HNF1A: variants seen among roughly 807,000 people sequenced by gnomAD.
The protein encoded by HNF1A is HNF1 homeobox A, also known as hepatocyte nuclear factor 1-alpha.
A neutral mutation model predicts 62.2 loss-of-function variants in HNF1A; 21 were observed. The observed-to-expected ratio is 0.34, with a 90% CI of 0.24 to 0.49. The LOEUF (loss-of-function observed/expected upper bound fraction) is 0.49, where lower values mean the gene tolerates loss of function less well. Among genes scored for constraint, HNF1A ranks in the 20% least tolerant of loss-of-function variants. HNF1A has a pLI of 0.99. For missense variants in HNF1A, 687 were observed against 832.3 expected (o/e 0.83, Z 2.15); for synonymous variants, 374 against 366.8 (o/e 1.02, Z -0.22).
At chr12:120,988,751 G>A in intron 1 of HNF1A, 82 bp from the exon 2 acceptor site, 2 of 1,313,026 alleles carry the variant, frequency 1.5e-6, no homozygotes, top group Non-Finnish European at 1.1e-6. Flanking sequence ...GGGTTGACAA[G>A]GTTCCAGCAC....
intron 1 of HNF1A, among the ~76,000 whole-genome samples, chr12:120,987,515 C>T (rs1397750726): frequency 1.3e-5 from 2 of 150,946 alleles, no homozygotes; most frequent in Non-Finnish European, 1.5e-5. Flanking sequence ...AAAAACCAGC[C>T]TCCTGTTCTG....
intron 4 of HNF1A, among the ~76,000 whole-genome samples, chr12:120,995,416 C>G (rs1877050859): frequency 6.6e-6 from 1 of 151,994 alleles, no homozygotes; most frequent in South Asian, 2.1e-4. Context: ...CCACTCTTCT[C>G]TCCACTCCTC....
chr12:120,999,641 G>T lies in HNF1A; in HGVS notation c.1768+14G>T. ...CCAGCCCCACAGGTGAGAGGCCCTG[G>T]CTCCACCCCCTCCCTTACTGTCCCT... On this transcript the variant is annotated intron_variant, in intron 9 of 9. Coordinates refer to ENST00000257555, the MANE Select transcript of HNF1A (RefSeq NM_000545.8). The T allele has an allele frequency of 6.2e-7, 1 of 1,605,010 alleles. No individual in the cohort carries two copies.
intron 1 of HNF1A, chr12:120,979,513 G>T (rs565678675): frequency 2.7e-5 from 5 of 187,360 alleles, no homozygotes; most frequent in South Asian, 2.5e-4. Flanking sequence ...CGGGGCCCAG[G>T]AAGCACTGCC....
intron 2 of HNF1A, among the ~76,000 whole-genome samples, chr12:120,989,905 G>A (rs184493292): frequency 2.0e-5 from 3 of 152,172 alleles, no homozygotes; most frequent in Admixed American, 1.3e-4. Context: ...AGGGAAGGGT[G>A]TTTCAGGCAG....
chr12:120,982,114 C>CA (rs55687832), intron 1 of HNF1A, among the ~76,000 whole-genome samples: 5,938 of 152,156 alleles, frequency 0.039, 134 homozygotes, highest in South Asian at 0.093. Flanking sequence ...TCTGTCGGCC[C>CA]GGCTGGAGTG....
chr12:120,978,809 C>A lies in HNF1A; in HGVS notation c.41C>A (p.Ala14Glu), dbSNP rs772214801. Residue 14 changes from alanine (A) to glutamate (E), a missense_variant, in exon 1 of 10, where the codon GCG (alanine) becomes GAG (glutamate). Physicochemically the swap from Ala to Glu is moderately radical, Grantham distance 107. This residue lies in a region of HNF1A where 159 missense variants were observed against 154.4 expected (regional missense o/e 1.03). Transcript: ENST00000257555. ...AGCCAGCTGCAGACGGAGCTCCTGGCGGCCCTGCTCGAGTCAGGGCTGAGC... is the reference window on the plus strand; with the variant it reads ...AGCCAGCTGCAGACGGAGCTCCTGGAGGCCCTGCTCGAGTCAGGGCTGAGC... The part of the protein sequence containing the change: ...KLSQLQTELL[A>E]ALLESGLSKE... 4 of 1,613,104 alleles carry A rather than the reference C, an allele frequency of 2.5e-6. No homozygotes were observed. In the South Asian group the frequency reaches 4.4e-5, roughly 18 times the overall value.
Position 120,999,354 on chromosome 12 carries a change from C to T in HNF1A, c.1588C>T (p.Leu530=), listed in dbSNP as rs1207674290. The change falls in exon 8 of 10, where the codon CTG becomes TTG. Residue 530 remains leucine (L), a synonymous_variant. Coordinates refer to ENST00000257555, the MANE Select transcript of HNF1A (RefSeq NM_000545.8). The part of the protein sequence containing the change: ...QTMLITDTTN[L]SALASLTPTK... ...TATGCTCATCACCGACACCACCAAC[C>T]TGAGCGCCCTGGCCAGCCTCACGCC... 1.2e-6 allele frequency: 2 copies of T among 1,613,970 alleles called. No individual in the cohort carries two copies. Among genetic ancestry groups the T allele is most frequent in the Admixed American group, 1.7e-5 (1 of 60,006 alleles).
intron 1 of HNF1A, among the ~76,000 whole-genome samples, chr12:120,986,070 G>C (rs1433280421): frequency 6.6e-6 from 1 of 152,094 alleles, no homozygotes; most frequent in Non-Finnish European, 1.5e-5. Flanking sequence ...GGACAACAGA[G>C]AAAACTGTCC....
At chr12:120,994,034 G>T (rs758355291) in intron 3 of HNF1A, 130 bp from the exon 4 acceptor site, 13 of 1,251,480 alleles carry the variant, frequency 1.0e-5, no homozygotes, top group Non-Finnish European at 1.5e-5. Context: ...AGCAGACCTG[G>T]CATTGGAACC....
At position 120,999,541 on chromosome 12, in the gene HNF1A, A is replaced by G. The variant is rs2135851352; in HGVS notation, c.1682A>G (p.Gln561Arg). The change falls in exon 9 of 10, where the codon CAG (glutamine) becomes CGG (arginine). Residue 561 changes from glutamine to arginine, a missense_variant. Around this residue, in one of 5 missense-constraint regions of HNF1A, gnomAD observed 408 missense variants for 455.3 expected, o/e 0.90. Transcript: ENST00000257555. ...SESGLHTPASQATTLHVPSQD... is the reference protein window; with the variant it reads ...SESGLHTPASRATTLHVPSQD... ...TCCGGGCTTCACACGCCGGCATCTCAGGCCACCACCCTCCACGTCCCCAGC... is the reference window on the plus strand; with the variant it reads ...TCCGGGCTTCACACGCCGGCATCTCGGGCCACCACCCTCCACGTCCCCAGC... The G allele has an allele frequency of 1.2e-6, 2 of 1,613,110 alleles. No homozygotes were observed. The highest frequency in any genetic ancestry group is 8.5e-7 in the Non-Finnish European group (1 of 1,179,798).
rs373808484 is a variant in HNF1A at position 121,001,194 on chromosome 12, C to T, written c.*2C>T. The stretch of plus-strand genomic sequence containing the variant: ...CAGATGGCCTCTTCCTCCCAGTAAC[C>T]ACGGCACCTGGGCCCTGGGGCCTGT... On this transcript the variant is annotated 3_prime_UTR_variant, in exon 10 of 10. Transcript: ENST00000257555. 3 of 1,613,840 alleles carry T rather than the reference C, an allele frequency of 1.9e-6. No homozygotes were observed. The highest frequency in any genetic ancestry group is 2.5e-6 in the Non-Finnish European group (3 of 1,179,984).
rs754729248 is a variant in HNF1A, at chr12:120,996,568, C to A, written c.1135C>A (p.Pro379Thr). Reference protein sequence around the residue: ...LVSAAGGPLPPVSTLTALHSL... With the variant: ...LVSAAGGPLPTVSTLTALHSL... ...CTCAGCAGCTGGGGGCCCCCTCCCC[C>A]CTGTCAGCACCCTGACAGCACTGCA... The change falls in exon 6 of 10, where the codon CCT becomes ACT. Residue 379 changes from proline to threonine, a missense_variant. By Grantham distance (38) the Pro-to-Thr change is conservative. This residue lies in a region of HNF1A where 408 missense variants were observed against 455.3 expected (regional missense o/e 0.90). Transcript: ENST00000257555. This position sits in a 1 kb window ranked among gnomAD's most constrained non-coding sequence, Gnocchi z 4.5. The A allele has an allele frequency of 1.9e-5, 31 of 1,613,810 alleles. No individual in the cohort carries two copies. In the Admixed American group the frequency reaches 2.2e-4, roughly 11 times the overall value.
At chr12:121,000,915 A>T in intron 9 of HNF1A, 150 bp from the exon 10 acceptor site, 1 of 1,100,674 alleles carries the variant, frequency 9.1e-7, no homozygotes, top group Non-Finnish European at 1.3e-6. Flanking sequence ...TGAAGAACCG[A>T]GGGTAGAGGT....
At chr12:120,995,907 T>TAATTC (rs898179804) in intron 4 of HNF1A, among the ~76,000 whole-genome samples, 2 of 152,244 alleles carry the variant, frequency 1.3e-5, no homozygotes, top group African/African-American at 4.8e-5. Flanking sequence ...TGATTTGGGT[T>TAATTC]AATTCAATTC....
chr12:120,999,346 C>T lies in HNF1A; in HGVS notation c.1580C>T (p.Thr527Ile), dbSNP rs1217668955. Residue 527 changes from threonine (T) to isoleucine (I), a missense_variant, in exon 8 of 10, where the codon ACC becomes ATC. By Grantham distance (89) the Thr-to-Ile change is moderately conservative. Coordinates refer to ENST00000257555, the MANE Select transcript of HNF1A (RefSeq NM_000545.8). ...CCGCAGACTATGCTCATCACCGACA[C>T]CACCAACCTGAGCGCCCTGGCCAGC... ...LLPQTMLITD[T>I]TNLSALASLT... 1 of 1,614,054 alleles carries T rather than the reference C, an allele frequency of 6.2e-7. No individual in the cohort carries two copies. The highest frequency in any genetic ancestry group is 1.1e-5 in the South Asian group (1 of 91,086).
chr12:121,001,933 G>A lies in HNF1A; in HGVS notation c.*741G>A, dbSNP rs1333494487. On this transcript the variant is annotated 3_prime_UTR_variant, in exon 10 of 10. Coordinates refer to ENST00000257555, the MANE Select transcript of HNF1A (RefSeq NM_000545.8). ...GTTCCCAAGAGCATCATGCCTCTGA[G>A]GCCAGCCTGGCCTCCTGCCTCTACT... 8 of 523,450 alleles carry A rather than the reference G, an allele frequency of 1.5e-5. No individual in the cohort carries two copies. Among genetic ancestry groups the A allele is most frequent in the Non-Finnish European group, 3.0e-5 (8 of 269,996 alleles). The allele number at this position is 523,450 out of a possible 1,614,324, so 32.4% of individuals were successfully genotyped here.
At chr12:120,990,633 G>A (rs1177137398) in intron 2 of HNF1A, among the ~76,000 whole-genome samples, 1 of 110,044 alleles carries the variant, frequency 9.1e-6, no homozygotes. Context: ...AGGGAGGAAA[G>A]ATAGGAAAGG....
chr12:121,001,360 G>A lies in HNF1A; in HGVS notation c.*168G>A, dbSNP rs1877468211. The A allele has an allele frequency of 2.3e-6, 2 of 864,010 alleles. No homozygotes were observed. The highest frequency in any genetic ancestry group is 3.6e-6 in the Non-Finnish European group (2 of 559,546). The allele number at this position is 864,010 out of a possible 1,614,324, so 53.5% of individuals were successfully genotyped here. On this transcript the variant is annotated 3_prime_UTR_variant, in exon 10 of 10. Transcript: ENST00000257555. Reference sequence around the variant, plus strand: ...ATGCATCAGAAAGGGAGGGCTCTGAGGCGCCCCAACCCGTGGAGGCTGCTC... The same window carrying A: ...ATGCATCAGAAAGGGAGGGCTCTGAAGCGCCCCAACCCGTGGAGGCTGCTC...
Sources: gnomAD v4.1 joint callset for allele counts (sites outside exome capture counted in the v4.1 genomes callset) on GRCh38, gnomAD v4.1.1 for gene constraint, gnomAD v4.1.1 regional missense constraint, Gnocchi (gnomAD v3.1) non-coding constraint, MANE v1.5 for transcripts, NCBI Gene and HGNC (gene_info 2026-07-23, HGNC 2026-07-21) for gene names.